The following MYO1E variants were observed in gnomAD, a reference collection of about 807,000 sequenced individuals.
MYO1E encodes myosin IE.
Under a neutral mutation model 151.1 loss-of-function variants are expected in MYO1E, and 68 were observed. That is an observed-to-expected ratio of 0.45 (90% CI 0.37 to 0.55). The LOEUF (loss-of-function observed/expected upper bound fraction) is 0.55, where lower values mean the gene tolerates loss of function less well. MYO1E is among the 20% of genes least tolerant of loss of function. The pLI is 0.00. For missense variants in MYO1E, 1,363 were observed against 1,389.3 expected, an observed-to-expected ratio of 0.98 and a Z score of 0.30; for synonymous variants, 601 against 501.7, an observed-to-expected ratio of 1.20 and a Z score of -2.64.
intron 1 of MYO1E, among the ~76,000 whole-genome samples, chr15:59,361,276 A>C (rs1051950297): frequency 2.0e-5 from 3 of 152,226 alleles, no homozygotes; most frequent in African/African-American, 7.2e-5. Context: ...AATCATAAGA[A>C]AGTATAAACA....
chr15:59,279,512 G>A, intron 1 of MYO1E, among the ~76,000 whole-genome samples: 1 of 152,128 alleles, frequency 6.6e-6, no homozygotes, highest in East Asian at 1.9e-4. Context: ...TCCCAGCCAA[G>A]ACCCTGTGCC....
chr15:59,261,210 A>AAAT (rs1348591216), intron 3 of MYO1E, among the ~76,000 whole-genome samples: 1 of 151,580 alleles, frequency 6.6e-6, no homozygotes, highest in Non-Finnish European at 1.5e-5. Flanking sequence ...GTCTCAAAAA[A>AAAT]AATAATAATA....
At chr15:59,161,051 G>C (rs1241501264) in intron 24 of MYO1E, 22 bp downstream of exon 24, 1 of 1,612,452 alleles carries the variant, frequency 6.2e-7, no homozygotes. Flanking sequence ...AGTTCTGCCT[G>C]CAGGGCCCGT....
intron 14 of MYO1E, chr15:59,207,489 T>C (rs780797381): frequency 6.2e-7 from 1 of 1,614,032 alleles, no homozygotes; most frequent in Non-Finnish European, 8.5e-7. Flanking sequence ...GCAAACTGAT[T>C]ATTGTTTCCA....
At chr15:59,309,103 G>A (rs2080534042) in intron 1 of MYO1E, among the ~76,000 whole-genome samples, 1 of 152,020 alleles carries the variant, frequency 6.6e-6, no homozygotes, top group African/African-American at 2.4e-5. Context: ...GACAGAGTGA[G>A]ACCTTGTCTC....
At chr15:59,323,850 C>G (rs2080644639) in intron 1 of MYO1E, among the ~76,000 whole-genome samples, 1 of 151,870 alleles carries the variant, frequency 6.6e-6, no homozygotes, top group Non-Finnish European at 1.5e-5. Context: ...ATAAGAGCCC[C>G]TGGGGGGCTG....
chr15:59,324,309 A>G (rs1333865348), intron 1 of MYO1E, among the ~76,000 whole-genome samples: 1 of 152,250 alleles, frequency 6.6e-6, no homozygotes, highest in African/African-American at 2.4e-5. Flanking sequence ...AAATTAAAAA[A>G]AAAGGGAGAA....
chr15:59,347,507 A>G (rs1488169820), intron 1 of MYO1E, among the ~76,000 whole-genome samples: 3 of 152,230 alleles, frequency 2.0e-5, no homozygotes, highest in Non-Finnish European at 4.4e-5. Flanking sequence ...GGAAGAGTAA[A>G]TGAGTATAAA....
intron 14 of MYO1E, chr15:59,208,191 A>C (rs1275578071): frequency 9.6e-7 from 1 of 1,040,616 alleles, no homozygotes; most frequent in Admixed American, 3.0e-5. Context: ...GGAAACAGGA[A>C]AGTAGGTAGA....
chr15:59,151,670 T>C lies in MYO1E; in HGVS notation c.3080+1920A>G, dbSNP rs528213273. ...GCTCACGCCTGTAATCCCAGCACTT[T>C]GGGAGGCCAAGGCGGGTGGATTACT... On this transcript the variant is annotated intron_variant, in intron 26 of 27. Coordinates refer to ENST00000288235, the MANE Select transcript of MYO1E (RefSeq NM_004998.4). 4.0e-4 allele frequency among the ~76,000 whole-genome samples: 61 copies of C among 152,180 alleles called. No homozygotes were observed. The Middle Eastern group carries it at 0.014, about 34-fold the overall frequency.
rs773806357 is a variant in MYO1E, at chr15:59,207,945, A to G, written c.1530+736T>C. ...AGGGCCTCTATGGAATAGATGAAGA[A>G]GTATTCCTCAGTATTCCTTGTATCC... On this transcript the variant is annotated intron_variant, in intron 14 of 27. Coordinates refer to ENST00000288235, the MANE Select transcript of MYO1E (RefSeq NM_004998.4). The G allele has an allele frequency of 5.6e-6, 9 of 1,613,888 alleles. No individual in the cohort carries two copies. The Admixed American group carries it at 1.0e-4, about 18-fold the overall frequency.
intron 1 of MYO1E, among the ~76,000 whole-genome samples, chr15:59,336,829 T>C (rs2080731861): frequency 1.3e-5 from 2 of 150,934 alleles, no homozygotes; most frequent in African/African-American, 2.4e-5. Context: ...CACTTGTCAG[T>C]GAGAACATGC....
chr15:59,267,037 T>C (rs2080259734), intron 2 of MYO1E: 1 of 141,638 alleles, frequency 7.1e-6, no homozygotes, highest in African/African-American at 2.7e-5. Flanking sequence ...TTTTTTTTTT[T>C]TTTTTTTGAG....
intron 1 of MYO1E, among the ~76,000 whole-genome samples, chr15:59,316,891 T>C (rs2080592620): frequency 6.6e-6 from 1 of 152,210 alleles, no homozygotes; most frequent in Non-Finnish European, 1.5e-5. Context: ...TGAAAGTTGG[T>C]ATTAGTAAGA....
At chr15:59,191,014 G>A (rs1366665270) in intron 17 of MYO1E, among the ~76,000 whole-genome samples, 1 of 152,120 alleles carries the variant, frequency 6.6e-6, no homozygotes, top group African/African-American at 2.4e-5. Flanking sequence ...GACAGATGAA[G>A]CTCGAAGTGG....
chr15:59,178,652 G>C (rs2079640076), intron 18 of MYO1E, 115 bp from the exon 19 acceptor site: 15 of 1,355,896 alleles, frequency 1.1e-5, no homozygotes, highest in Non-Finnish European at 1.5e-5. Context: ...CAAAGTTACT[G>C]ATCATCTGTT....
chr15:59,239,472 A>G (rs1346805914), intron 4 of MYO1E, among the ~76,000 whole-genome samples: 6 of 151,682 alleles, frequency 4.0e-5, no homozygotes, highest in African/African-American at 7.2e-5. Flanking sequence ...TAAGAATTAT[A>G]AAATAATATA....
chr15:59,230,018 T>C (rs1441323485), intron 6 of MYO1E, among the ~76,000 whole-genome samples: 1 of 152,210 alleles, frequency 6.6e-6, no homozygotes, highest in Non-Finnish European at 1.5e-5. Context: ...TGGGCAAAGA[T>C]AATGAACGAT....
In MYO1E at chr15:59,232,921, T is replaced by C. The variant is rs145085725; in HGVS notation, c.421-1130A>G. 2.2e-3 allele frequency among the ~76,000 whole-genome samples: 329 copies of C among 152,220 alleles called. 2 individuals are homozygous for C. The highest frequency in any genetic ancestry group is 7.3e-3 in the African/African-American group (303 of 41,530). On this transcript the variant is annotated intron_variant, in intron 5 of 27. Coordinates refer to ENST00000288235, the MANE Select transcript of MYO1E (RefSeq NM_004998.4). The stretch of plus-strand genomic sequence containing the variant: ...ATGAGAAATGAGAACTGGGCTTTCA[T>C]TGTGACGAGGGAATCATCCTTAGCC...
Sources: allele counts gnomAD v4.1 joint callset (sites outside exome capture counted in the v4.1 genomes callset), GRCh38; gene constraint gnomAD v4.1.1; transcripts MANE v1.5; gene names NCBI Gene and HGNC (gene_info 2026-07-23, HGNC 2026-07-21).